The following RSU1 variants were observed in gnomAD, a reference collection of about 807,000 sequenced individuals.
RSU1 encodes the protein rsu-1.
Under a neutral mutation model 31.1 loss-of-function variants are expected in RSU1, and 26 were observed. That is an observed-to-expected ratio of 0.84 (90% CI 0.61 to 1.16). The LOEUF is 1.16. Ranked by LOEUF, RSU1 falls within the 50% of genes most tolerant of loss-of-function variation. RSU1 has a pLI of 0.00. For missense variants in RSU1, 320 were observed against 339.1 expected, an observed-to-expected ratio of 0.94 and a Z score of 0.44; for synonymous variants, 164 against 136.3, an observed-to-expected ratio of 1.20 and a Z score of -1.41.
intron 8 of RSU1, among the ~76,000 whole-genome samples, chr10:16,676,111 ATACCC>A (rs1835226450): frequency 6.6e-6 from 1 of 152,252 alleles, no homozygotes; most frequent in African/African-American, 2.4e-5. Flanking sequence ...GAGAAAGGTC[ATACCC>A]TTTAATATGC....
chr10:16,740,870 T>C (rs1836736150), intron 7 of RSU1, among the ~76,000 whole-genome samples: 1 of 152,190 alleles, frequency 6.6e-6, no homozygotes, highest in African/African-American at 2.4e-5. Flanking sequence ...TTCATATTGT[T>C]GAGATTATGA....
intron 3 of RSU1, among the ~76,000 whole-genome samples, chr10:16,769,119 T>G (rs1313798114): frequency 6.6e-6 from 1 of 152,194 alleles, no homozygotes; most frequent in Non-Finnish European, 1.5e-5. Context: ...CTGTCTCCCC[T>G]CCATAGGAAG....
chr10:16,782,026 T>C lies in RSU1; in HGVS notation c.160+8A>G. 1.9e-6 allele frequency: 3 copies of C among 1,612,034 alleles called. No individual in the cohort carries two copies. The highest frequency in any genetic ancestry group is 2.2e-5 in the East Asian group (1 of 44,844). On this transcript the variant is annotated splice_region_variant and intron_variant, in intron 3 of 8. Transcript: ENST00000345264. ...CAGAAACTGTAACAAATGAGAAACA[T>C]CACTTACTTGTTAGCTTGTTATGGC...
At chr10:16,669,527 C>T (rs75959992) in intron 8 of RSU1, among the ~76,000 whole-genome samples, 1 of 152,174 alleles carries the variant, frequency 6.6e-6, no homozygotes, top group Non-Finnish European at 1.5e-5. Flanking sequence ...CAAAGAGAAA[C>T]CTCCCTCTTC....
At chr10:16,709,944 T>C (rs1196057459) in intron 7 of RSU1, among the ~76,000 whole-genome samples, 2 of 152,160 alleles carry the variant, frequency 1.3e-5, no homozygotes, top group Non-Finnish European at 2.9e-5. Context: ...CGGTTTTCTA[T>C]ATGTAAGATC....
At chr10:16,716,490 C>T (rs941385151) in intron 7 of RSU1, among the ~76,000 whole-genome samples, 2 of 152,032 alleles carry the variant, frequency 1.3e-5, no homozygotes, top group Non-Finnish European at 2.9e-5. Flanking sequence ...TCTGGGAAGT[C>T]GGGTAGGGAA....
At chr10:16,796,100 C>G (rs1235506189) in intron 2 of RSU1, among the ~76,000 whole-genome samples, 1 of 152,174 alleles carries the variant, frequency 6.6e-6, no homozygotes, top group Non-Finnish European at 1.5e-5. Flanking sequence ...CTAAGTCCCT[C>G]AACAGTCACT....
At chr10:16,609,587 C>A (rs777073003) in intron 8 of RSU1, among the ~76,000 whole-genome samples, 1 of 152,208 alleles carries the variant, frequency 6.6e-6, no homozygotes, top group Non-Finnish European at 1.5e-5. Context: ...CCCCGTACGA[C>A]GACACTGGAT....
At chr10:16,777,698 C>T (rs1837562702) in intron 3 of RSU1, among the ~76,000 whole-genome samples, 1 of 152,168 alleles carries the variant, frequency 6.6e-6, no homozygotes, top group Admixed American at 6.5e-5. Flanking sequence ...AGTAGGAAAG[C>T]ATTTACAAAG....
intron 2 of RSU1, among the ~76,000 whole-genome samples, chr10:16,800,051 GAA>G (rs1232386237): frequency 3.3e-5 from 5 of 152,110 alleles, no homozygotes. Flanking sequence ...AAATCTAAGA[GAA>G]AAGGGGAGGA....
chr10:16,649,553 C>A (rs561239903), intron 8 of RSU1, among the ~76,000 whole-genome samples: 1 of 152,148 alleles, frequency 6.6e-6, no homozygotes, highest in African/African-American at 2.4e-5. Context: ...CTCAAATGCC[C>A]TGTTACTACC....
chr10:16,773,198 CA>C (rs550690335), intron 3 of RSU1, among the ~76,000 whole-genome samples: 2,239 of 131,966 alleles, frequency 0.017, 62 homozygotes, highest in African/African-American at 0.062. Context: ...GACCCTGTCT[CA>C]AAAAAAAAGA....
At chr10:16,670,770 A>C (rs1222930940) in intron 8 of RSU1, among the ~76,000 whole-genome samples, 3 of 151,178 alleles carry the variant, frequency 2.0e-5, no homozygotes, top group Non-Finnish European at 3.0e-5. Context: ...GCGCCACAGA[A>C]CCTCTTTTTT....
At chr10:16,805,161 C>A (rs531737038) in intron 2 of RSU1, among the ~76,000 whole-genome samples, 1 of 151,910 alleles carries the variant, frequency 6.6e-6, no homozygotes, top group South Asian at 2.1e-4. Context: ...GAGCCCAGAT[C>A]ACACCATTGC....
intron 8 of RSU1, among the ~76,000 whole-genome samples, chr10:16,677,526 T>G (rs1175576684): frequency 6.6e-6 from 1 of 152,204 alleles, no homozygotes; most frequent in Non-Finnish European, 1.5e-5. Flanking sequence ...CTCTTAGTAC[T>G]GAAACCAGAG....
chr10:16,785,345 G>A (rs1217272807), intron 2 of RSU1, among the ~76,000 whole-genome samples: 1 of 151,188 alleles, frequency 6.6e-6, no homozygotes, highest in African/African-American at 2.4e-5. Context: ...CCTATTGCAG[G>A]ACCTTGTGGT....
At position 16,812,451 on chromosome 10, in the gene RSU1, A is replaced by C. The variant is rs534429170; in HGVS notation, c.109+4522T>G. Among the ~76,000 whole-genome samples the C allele has an allele frequency of 1.9e-4, 29 of 152,298 alleles. No individual in the cohort carries two copies. In the South Asian group the frequency reaches 5.2e-3, roughly 27 times the overall value. ...AGCAAGACTCCATCTCAAAAACAAA[A>C]AACAAAAATTAAAAAACAAAAAAAT... On this transcript the variant is annotated intron_variant, in intron 2 of 8. Coordinates refer to ENST00000345264, the MANE Select transcript of RSU1 (RefSeq NM_012425.4).
chr10:16,736,198 T>A (rs1189688520), intron 7 of RSU1, among the ~76,000 whole-genome samples: 1 of 151,938 alleles, frequency 6.6e-6, no homozygotes, highest in Non-Finnish European at 1.5e-5. Context: ...TTAACTACAA[T>A]GTTCAGGACA....
intron 3 of RSU1, among the ~76,000 whole-genome samples, chr10:16,771,198 G>A (rs1225181013): frequency 1.3e-5 from 2 of 152,078 alleles, no homozygotes; most frequent in Non-Finnish European, 2.9e-5. Context: ...AAATGAGTGA[G>A]GCTCTTCATT....
Sources: gnomAD v4.1 joint callset for allele counts (sites outside exome capture counted in the v4.1 genomes callset) on GRCh38, gnomAD v4.1.1 for gene constraint, MANE v1.5 for transcripts, NCBI Gene and HGNC (gene_info 2026-07-23, HGNC 2026-07-21) for gene names.